The following DACH2 variants were observed in gnomAD, a reference collection of about 807,000 sequenced individuals.
The protein encoded by DACH2 is dachshund family transcription factor 2.
A neutral mutation model predicts 35.8 loss-of-function variants in DACH2; 17 were observed. That is an observed-to-expected ratio of 0.48 (90% CI 0.33 to 0.71). The LOEUF is 0.71. Ranked by LOEUF, DACH2 falls within the 30% of genes least tolerant of loss-of-function variation. DACH2 has a pLI of 0.02. For missense variants in DACH2, 469 were observed against 472.7 expected (o/e 0.99, Z 0.07); for synonymous variants, 195 against 177.3 (o/e 1.10, Z -0.79).
At chrX:86,466,097 T>C (rs1855598509) in intron 2 of DACH2, among the ~76,000 whole-genome samples, 1 of 111,738 alleles carries the variant, frequency 8.9e-6, no homozygotes, top group Non-Finnish European at 1.9e-5. Context: ...TAGTTTAACA[T>C]GGCTGGGGAA....
chrX:86,741,443 G>T (rs1454903297), intron 7 of DACH2, among the ~76,000 whole-genome samples: 1 of 111,770 alleles, frequency 8.9e-6, no homozygotes, highest in Non-Finnish European at 1.9e-5. Context: ...GCAGTATTTT[G>T]TTTTGCTTTT....
At chrX:86,223,987 A>G (rs1055521421) in intron 1 of DACH2, among the ~76,000 whole-genome samples, 1 of 111,877 alleles carries the variant, frequency 8.9e-6, no homozygotes, top group Non-Finnish European at 1.9e-5. Flanking sequence ...TTTATCAAAG[A>G]GGGTTCTCTT....
chrX:86,180,561 T>A (rs1283137566), intron 1 of DACH2, among the ~76,000 whole-genome samples: 12 of 110,827 alleles, frequency 1.1e-4, no homozygotes, highest in Admixed American at 9.7e-4. Context: ...AGTGCTGTCA[T>A]TCTCTTAGTA....
In DACH2 at chrX:86,612,787, G is replaced by T. The variant is rs766439070; in HGVS notation, c.641-38249G>T. Among the ~76,000 whole-genome samples, 3 of 112,429 alleles carry T rather than the reference G, an allele frequency of 2.7e-5. No individual in the cohort carries two copies. The East Asian group carries it at 8.5e-4, about 32-fold the overall frequency. On this transcript the variant is annotated intron_variant, in intron 3 of 11. Transcript: ENST00000373125. ...TCTTGTGATTGCTCACCTGATTTTT[G>T]ATTCTTATGAGTGTACTTTTTGTGT...
chrX:86,703,457 A>G (rs2041169178), intron 5 of DACH2, among the ~76,000 whole-genome samples: 1 of 111,123 alleles, frequency 9.0e-6, no homozygotes, highest in African/African-American at 3.3e-5. Flanking sequence ...AAGACATACA[A>G]ATAGGAAAAG....
chrX:86,744,897 C>T (rs1347044076), intron 7 of DACH2, among the ~76,000 whole-genome samples: 2 of 111,114 alleles, frequency 1.8e-5, no homozygotes, highest in African/African-American at 6.5e-5. Context: ...ACAGCAATTA[C>T]GGCTATTCAC....
rs1231321525 is a variant in DACH2, at chrX:86,590,966, C to T, written c.641-60070C>T. ...TCTCCTAATGCTATCCCTCCCCCTTCCCCCTTCCCCGCACCCTACAACAGT... is the reference window on the plus strand; with the variant it reads ...TCTCCTAATGCTATCCCTCCCCCTTTCCCCTTCCCCGCACCCTACAACAGT... On this transcript the variant is annotated intron_variant, in intron 3 of 11. Transcript: ENST00000373125. Among the ~76,000 whole-genome samples the T allele has an allele frequency of 1.0e-4, 11 of 110,113 alleles. No individual in the cohort carries two copies. The Admixed American group carries it at 1.1e-3, about 11-fold the overall frequency.
At chrX:86,691,667 T>A (rs139205366) in intron 4 of DACH2, among the ~76,000 whole-genome samples, 1,324 of 111,151 alleles carry the variant, frequency 0.012, 7 homozygotes, top group Middle Eastern at 0.028. Flanking sequence ...AACACAGTCA[T>A]CTGCAAACCA....
intron 7 of DACH2, among the ~76,000 whole-genome samples, chrX:86,785,779 G>A (rs913831102): frequency 1.8e-5 from 2 of 111,523 alleles, no homozygotes; most frequent in Non-Finnish European, 3.8e-5. Context: ...TTTGAAAAAT[G>A]GAGAATTCTA....
intron 2 of DACH2, among the ~76,000 whole-genome samples, chrX:86,395,597 C>T (rs2148123031): frequency 9.1e-6 from 1 of 110,445 alleles, no homozygotes; most frequent in East Asian, 2.9e-4. Context: ...TCCAAGTGTT[C>T]TCATTGTTCA....
At chrX:86,492,778 A>G (rs1479967257) in intron 2 of DACH2, among the ~76,000 whole-genome samples, 1 of 111,792 alleles carries the variant, frequency 8.9e-6, no homozygotes, top group East Asian at 2.8e-4. Context: ...TGCAAAGGAC[A>G]TTATTTCTTT....
intron 1 of DACH2, among the ~76,000 whole-genome samples, chrX:86,229,632 A>G (rs1415571682): frequency 2.7e-5 from 3 of 110,624 alleles, no homozygotes; most frequent in Non-Finnish European, 5.7e-5. Flanking sequence ...TGTGTCATCT[A>G]TGATTTCTGG....
intron 5 of DACH2, among the ~76,000 whole-genome samples, chrX:86,696,444 C>T (rs185971119): frequency 3.5e-4 from 39 of 112,088 alleles, no homozygotes; most frequent in African/African-American, 1.3e-3. Context: ...TAAAAAAGGA[C>T]TGATTAAAGT....
intron 3 of DACH2, among the ~76,000 whole-genome samples, chrX:86,620,909 G>C (rs1296063739): frequency 9.0e-6 from 1 of 111,320 alleles, no homozygotes; most frequent in Non-Finnish European, 1.9e-5. Flanking sequence ...TCAGTATAGA[G>C]AGTCCTTAAT....
intron 1 of DACH2, among the ~76,000 whole-genome samples, chrX:86,361,650 G>T (rs142000733): frequency 0.014 from 1,549 of 111,735 alleles, 23 homozygotes; most frequent in African/African-American, 0.047. Context: ...TATTCAAACA[G>T]TATAAGCATA....
chrX:86,366,390 CT>C (rs1408487309), intron 1 of DACH2, among the ~76,000 whole-genome samples: 1 of 110,767 alleles, frequency 9.0e-6, no homozygotes, highest in Non-Finnish European at 1.9e-5. Flanking sequence ...TTCATTCACT[CT>C]TTTTGTAAGA....
intron 3 of DACH2, among the ~76,000 whole-genome samples, chrX:86,586,612 G>A (rs1029340695): frequency 2.7e-5 from 3 of 111,602 alleles, no homozygotes; most frequent in Non-Finnish European, 5.7e-5. Context: ...GTATGGTGAA[G>A]AAGAGGTCCA....
chrX:86,219,010 T>C (rs1043617902), intron 1 of DACH2, among the ~76,000 whole-genome samples: 1 of 112,092 alleles, frequency 8.9e-6, no homozygotes, highest in African/African-American at 3.2e-5. Context: ...GGATAGAAGA[T>C]GTCTGATCCA....
intron 2 of DACH2, among the ~76,000 whole-genome samples, chrX:86,397,129 G>A (rs1201310095): frequency 9.1e-6 from 1 of 110,023 alleles, no homozygotes; most frequent in African/African-American, 3.3e-5. Context: ...TGGATTCCTA[G>A]GTATTTTATT....
Sources: allele counts gnomAD v4.1 joint callset (sites outside exome capture counted in the v4.1 genomes callset), GRCh38; gene constraint gnomAD v4.1.1; transcripts MANE v1.5; gene names NCBI Gene and HGNC (gene_info 2026-07-23, HGNC 2026-07-21).